PI4KA: variants seen among roughly 807,000 people sequenced by gnomAD.
PI4KA encodes the protein PI4-kinase alpha.
Under a neutral mutation model 271.4 loss-of-function variants are expected in PI4KA, and 122 were observed. That is an observed-to-expected ratio of 0.45 (90% CI 0.39 to 0.52). PI4KA has a LOEUF of 0.52. PI4KA is among the 20% of genes least tolerant of loss of function. The probability of loss-of-function intolerance (pLI) is 0.00; values close to 1 mark genes in which losing one functional copy is unlikely to be tolerated. For missense variants in PI4KA, 1,969 were observed against 2,769.1 expected, an observed-to-expected ratio of 0.71 and a Z score of 6.48; for synonymous variants, 1,041 against 1,078.8, an observed-to-expected ratio of 0.96 and a Z score of 0.69.
chr22:20,759,849 G>C (rs1478173198), intron 23 of PI4KA, among the ~76,000 whole-genome samples: 1 of 152,090 alleles, frequency 6.6e-6, no homozygotes, highest in Non-Finnish European at 1.5e-5. Flanking sequence ...ACAAGTGTGA[G>C]TCACCGCACC....
chr22:20,786,961 C>A (rs143886146), intron 19 of PI4KA: 1 of 1,614,170 alleles, frequency 6.2e-7, no homozygotes, highest in Non-Finnish European at 8.5e-7. Flanking sequence ...CGCTGTCCAC[C>A]CAAGTCCGCT....
chr22:20,746,288 C>T lies in PI4KA; in HGVS notation c.3363+1295G>A, dbSNP rs545645208. Among the ~76,000 whole-genome samples the T allele has an allele frequency of 9.7e-4, 148 of 151,876 alleles. 2 individuals are homozygous for T. The South Asian group carries it at 0.014, about 14-fold the overall frequency. On this transcript the variant is annotated intron_variant, in intron 29 of 54. Transcript: ENST00000255882. ...CGTGTTGGCCAGGATGGTCTCGATC[C>T]ACTGACCTCGTGATCCGCCCGCCTT...
At position 20,758,951 on chromosome 22, in the gene PI4KA, A is replaced by T. The variant is rs1338392305; in HGVS notation, c.2791+2353T>A. Among the ~76,000 whole-genome samples, 5 of 152,258 alleles carry T rather than the reference A, an allele frequency of 3.3e-5. No individual in the cohort carries two copies. In the South Asian group the frequency reaches 6.2e-4, roughly 19 times the overall value. On this transcript the variant is annotated intron_variant, in intron 23 of 54. Coordinates refer to ENST00000255882, the MANE Select transcript of PI4KA (RefSeq NM_058004.4). ...CTGCAAAAATAAATTCATGCACCTG[A>T]CTTCCTGACTGTTGTACAGCAGTGT...
At chr22:20,767,660 A>C (rs996481554) in intron 19 of PI4KA, among the ~76,000 whole-genome samples, 1 of 147,648 alleles carries the variant, frequency 6.8e-6, no homozygotes, top group Non-Finnish European at 1.5e-5. Context: ...TTTGAGATGG[A>C]GTCTTGCTCT....
At chr22:20,795,103 T>C (rs992535956) in intron 18 of PI4KA, among the ~76,000 whole-genome samples, 21 of 152,158 alleles carry the variant, frequency 1.4e-4, no homozygotes, top group African/African-American at 5.1e-4. Flanking sequence ...AGTAGAGATA[T>C]GGTTGTGGGA....
intron 19 of PI4KA, among the ~76,000 whole-genome samples, chr22:20,789,306 CATTT>C (rs113990875): frequency 4.1e-4 from 62 of 152,234 alleles, no homozygotes; most frequent in East Asian, 1.9e-3. Flanking sequence ...GTCTAGAAAG[CATTT>C]ATTTATTTAT....
intron 45 of PI4KA, among the ~76,000 whole-genome samples, chr22:20,715,708 G>A (rs940492932): frequency 6.6e-6 from 1 of 150,872 alleles, no homozygotes; most frequent in African/African-American, 2.4e-5. Flanking sequence ...CTCCTTACCT[G>A]AGGTGATCCA....
chr22:20,724,393 G>C (rs1927106336), intron 42 of PI4KA, among the ~76,000 whole-genome samples: 1 of 151,782 alleles, frequency 6.6e-6, no homozygotes, highest in Non-Finnish European at 1.5e-5. Context: ...ATCACCTGAG[G>C]TCAGGAGTTT....
At position 20,819,799 on chromosome 22, in the gene PI4KA, T is replaced by G. The variant is rs1922370399; in HGVS notation, c.631A>C (p.Lys211Gln). The change falls in exon 6 of 55, where the codon AAA becomes CAA. Residue 211 changes from lysine (K) to glutamine (Q), a missense_variant. Transcript: ENST00000255882. ...ACACGGAGGGAATGAGGAGGGATTTTGGGAAAGAGCTTTGAGAGGAGAGAC... is the reference window on the plus strand; with the variant it reads ...ACACGGAGGGAATGAGGAGGGATTTGGGGAAAGAGCTTTGAGAGGAGAGAC... ...EESLLSKLFP[K>Q]IPPHSLRVLE... is the part of the protein sequence containing the mutation. 2 of 1,614,170 alleles carry G rather than the reference T, an allele frequency of 1.2e-6. No homozygotes were observed. The highest frequency in any genetic ancestry group is 4.5e-5 in the East Asian group (2 of 44,894).
intron 19 of PI4KA, 57 bp from the exon 20 acceptor site, chr22:20,765,750 C>A: frequency 9.0e-7 from 1 of 1,116,108 alleles, no homozygotes. Context: ...AACCCTAAGC[C>A]CTGTAGGTGT....
At chr22:20,820,368 C>G (rs1922483029) in intron 5 of PI4KA, among the ~76,000 whole-genome samples, 171 bp downstream of exon 5, 2 of 152,140 alleles carry the variant, frequency 1.3e-5, no homozygotes, top group African/African-American at 4.8e-5. Context: ...GAGCAATGCA[C>G]ATGACCCCAT....
chr22:20,757,825 T>A (rs910822167), intron 23 of PI4KA, among the ~76,000 whole-genome samples: 1 of 152,154 alleles, frequency 6.6e-6, no homozygotes, highest in Non-Finnish European at 1.5e-5. Flanking sequence ...ATTACAGGCG[T>A]GAGCTACCGC....
At chr22:20,827,145 G>T (rs1923528160) in intron 3 of PI4KA, among the ~76,000 whole-genome samples, 1 of 152,176 alleles carries the variant, frequency 6.6e-6, no homozygotes, top group Non-Finnish European at 1.5e-5. Context: ...TATGTCCAGA[G>T]TGGTATTTCC....
At chr22:20,804,265 G>A in intron 12 of PI4KA, 35 bp downstream of exon 12, 3 of 1,394,424 alleles carry the variant, frequency 2.2e-6, no homozygotes, top group Non-Finnish European at 3.1e-6. Context: ...CCCTACAGGT[G>A]GGATCTGAGC....
At chr22:20,803,099 C>T (rs993700811) in intron 13 of PI4KA, 92 bp downstream of exon 13, 2 of 1,319,298 alleles carry the variant, frequency 1.5e-6, no homozygotes, top group Non-Finnish European at 2.2e-6. Flanking sequence ...CGAAGGAATG[C>T]ACCCAGGTAC....
chr22:20,811,011 C>T lies in PI4KA; in HGVS notation c.1027G>A (p.Ala343Thr), dbSNP rs779578313. 6.2e-7 allele frequency: 1 copy of T among 1,613,568 alleles called. No homozygotes were observed. Among genetic ancestry groups the T allele is most frequent in the Non-Finnish European group, 8.5e-7 (1 of 1,179,488 alleles). The change falls in exon 9 of 55, where the codon GCT becomes ACT. Residue 343 changes from alanine to threonine, a missense_variant. Transcript: ENST00000255882. ...ATGGCATCCAAAGATTTGAGAACAG[C>T]CTCCTCAACGATCTTCTTCACCTAC... Reference protein sequence around the residue: ...LNLVKKIVEEAVLKSLDAIVA... With the variant: ...LNLVKKIVEETVLKSLDAIVA...
In PI4KA at chr22:20,777,507, C is replaced by T. The variant is rs899336086; in HGVS notation, c.2329-11814G>A. ...TGCTGGGATTACTGACCTGAGCCAC[C>T]GCACCCAGCCTATTTATTTAATTTT... On this transcript the variant is annotated intron_variant, in intron 19 of 54. Coordinates refer to ENST00000255882, the MANE Select transcript of PI4KA (RefSeq NM_058004.4). Among the ~76,000 whole-genome samples the T allele has an allele frequency of 3.9e-5, 6 of 152,260 alleles. No homozygotes were observed. In the East Asian group the frequency reaches 9.6e-4, roughly 24 times the overall value.
Position 20,801,968 on chromosome 22 carries a change from C to T in PI4KA, c.1724+5G>A, listed in dbSNP as rs375064261. 1.7e-5 allele frequency: 27 copies of T among 1,613,698 alleles called. No homozygotes were observed. The highest frequency in any genetic ancestry group is 2.1e-5 in the Non-Finnish European group (25 of 1,179,876). ...TGTCTACTCGCCACTTGCCCAGCTT[C>T]CCACCTGCAGATGTTGTCAATAGCG... is the stretch of plus-strand genomic sequence containing the variant. On this transcript the variant is annotated splice_donor_5th_base_variant and intron_variant, in intron 14 of 54. Coordinates refer to ENST00000255882, the MANE Select transcript of PI4KA (RefSeq NM_058004.4).
chr22:20,751,845 A>G lies in PI4KA; in HGVS notation c.2988-90T>C, dbSNP rs376083168. ...CCCCCTCAGCTGCCAGCCCGAGCCC[A>G]TATCTGCTTCAGGCCAGCTGAAGGA... On this transcript the variant is annotated intron_variant, in intron 25 of 54. Transcript: ENST00000255882. 3.8e-5 allele frequency: 43 copies of G among 1,141,654 alleles called. No homozygotes were observed. In the East Asian group the frequency reaches 4.7e-4, roughly 13 times the overall value. The allele number at this position is 1,141,654 out of a possible 1,614,324, so 70.7% of individuals were successfully genotyped here. A position where few individuals can be genotyped will look rare whatever the true frequency, so the allele number is the denominator to read the frequency against.
Sources: allele counts gnomAD v4.1 joint callset (sites outside exome capture counted in the v4.1 genomes callset), GRCh38; gene constraint gnomAD v4.1.1; transcripts MANE v1.5; gene names NCBI Gene and HGNC (gene_info 2026-07-23, HGNC 2026-07-21).